LIN7A: variants seen among roughly 807,000 people sequenced by gnomAD.
LIN7A encodes lin-7 cell polarity scaffold A, also known as protein lin-7 homolog A.
A neutral mutation model predicts 29.8 loss-of-function variants in LIN7A; 25 were observed. The observed-to-expected ratio is 0.84, with a 90% CI of 0.61 to 1.17. The LOEUF is 1.17. Ranked by LOEUF, LIN7A falls within the 50% of genes most tolerant of loss-of-function variation. The pLI is 0.00. For synonymous variants in LIN7A, 118 were observed against 107.5 expected (o/e 1.10, Z -0.60); for missense variants, 239 against 287.0 (o/e 0.83, Z 1.21).
intron 2 of LIN7A, among the ~76,000 whole-genome samples, chr12:80,886,026 T>C (rs1246355167): frequency 6.6e-6 from 1 of 152,108 alleles, no homozygotes; most frequent in Non-Finnish European, 1.5e-5. Context: ...ATGTCTGTTT[T>C]TGTTCTGGTG....
intron 1 of LIN7A, among the ~76,000 whole-genome samples, chr12:80,895,440 A>G (rs188643397): frequency 5.7e-4 from 87 of 152,324 alleles, no homozygotes; most frequent in African/African-American, 2.1e-3. Context: ...ACGCATCCAA[A>G]GCTGGAACAT....
intron 1 of LIN7A, among the ~76,000 whole-genome samples, chr12:80,933,834 TA>T (rs1249151680): frequency 6.6e-6 from 1 of 152,104 alleles, no homozygotes; most frequent in Non-Finnish European, 1.5e-5. Flanking sequence ...AGCCCCCATT[TA>T]TAGCACTCTC....
At chr12:80,885,089 T>A (rs1395661820) in intron 2 of LIN7A, among the ~76,000 whole-genome samples, 2 of 152,170 alleles carry the variant, frequency 1.3e-5, no homozygotes, top group Non-Finnish European at 2.9e-5. Flanking sequence ...TAAAATATGA[T>A]CACTTATACA....
intron 5 of LIN7A, among the ~76,000 whole-genome samples, chr12:80,803,464 C>G (rs1444994922): frequency 1.3e-5 from 2 of 152,154 alleles, no homozygotes; most frequent in Non-Finnish European, 1.5e-5. Flanking sequence ...TCTGGGTTCT[C>G]TAGCTTGTTC....
intron 1 of LIN7A, among the ~76,000 whole-genome samples, chr12:80,909,665 A>G (rs898273735): frequency 1.3e-5 from 2 of 152,108 alleles, no homozygotes; most frequent in Non-Finnish European, 2.9e-5. Context: ...CCCCACCCTC[A>G]TAACTTAATC....
chr12:80,934,835 T>G (rs1464042983), intron 1 of LIN7A, among the ~76,000 whole-genome samples: 1 of 152,214 alleles, frequency 6.6e-6, no homozygotes, highest in African/African-American at 2.4e-5. Context: ...TGGGATGCCC[T>G]TGGGAGGCTT....
chr12:80,913,317 T>C (rs1377167519), intron 1 of LIN7A, among the ~76,000 whole-genome samples: 1 of 152,266 alleles, frequency 6.6e-6, no homozygotes, highest in South Asian at 2.1e-4. Flanking sequence ...GTTTTGTTTC[T>C]GGTGATGACG....
At chr12:80,917,082 G>A (rs1169559977) in intron 1 of LIN7A, among the ~76,000 whole-genome samples, 1 of 152,152 alleles carries the variant, frequency 6.6e-6, no homozygotes, top group Admixed American at 6.5e-5. Flanking sequence ...AGATATGGTG[G>A]ATAATACTTC....
chr12:80,871,136 T>C (rs1360277925), intron 2 of LIN7A, among the ~76,000 whole-genome samples: 1 of 152,176 alleles, frequency 6.6e-6, no homozygotes, highest in Non-Finnish European at 1.5e-5. Flanking sequence ...AATATACCCA[T>C]CAAATTCAGC....
At chr12:80,884,253 C>A (rs566758538) in intron 2 of LIN7A, among the ~76,000 whole-genome samples, 1 of 152,220 alleles carries the variant, frequency 6.6e-6, no homozygotes, top group African/African-American at 2.4e-5. Context: ...AGGATTGATA[C>A]TGCTTATAAC....
intron 2 of LIN7A, among the ~76,000 whole-genome samples, chr12:80,849,232 T>C (rs1168322270): frequency 6.6e-6 from 1 of 152,172 alleles, no homozygotes; most frequent in African/African-American, 2.4e-5. Flanking sequence ...CAGAAGATCA[T>C]TTATGGAATC....
At chr12:80,909,238 T>C (rs935137035) in intron 1 of LIN7A, among the ~76,000 whole-genome samples, 7 of 152,286 alleles carry the variant, frequency 4.6e-5, no homozygotes, top group Admixed American at 4.6e-4. Context: ...CCCCAGTGAG[T>C]TCCCCTGGTA....
At chr12:80,884,722 G>T (rs1047333706) in intron 2 of LIN7A, among the ~76,000 whole-genome samples, 2 of 151,948 alleles carry the variant, frequency 1.3e-5, no homozygotes, top group Non-Finnish European at 2.9e-5. Context: ...TTCCATATAG[G>T]GTTGATTTAT....
At position 80,937,925 on chromosome 12, in the gene LIN7A, G is replaced by C; in HGVS notation, c.-203C>G. The C allele has an allele frequency of 2.3e-6, 1 of 431,524 alleles. No homozygotes were observed. The highest frequency in any genetic ancestry group is 4.1e-6 in the Non-Finnish European group (1 of 243,034). The allele number at this position is 431,524 out of a possible 1,614,324, so 26.7% of individuals were successfully genotyped here. ...GCGGTGCGGAGCTGAGCAGGTATCC[G>C]AGAGCGACTGCATCGCCGGGCTCTG... On this transcript the variant is annotated 5_prime_UTR_variant, in exon 1 of 6. Coordinates refer to ENST00000552864, the MANE Select transcript of LIN7A (RefSeq NM_004664.4).
At chr12:80,925,167 AAC>A (rs1488310878) in intron 1 of LIN7A, among the ~76,000 whole-genome samples, 15 of 152,334 alleles carry the variant, frequency 9.8e-5, no homozygotes, top group African/African-American at 3.1e-4. Context: ...TATATATTAA[AAC>A]ACATATTTTT....
At chr12:80,885,741 G>C (rs571689057) in intron 2 of LIN7A, among the ~76,000 whole-genome samples, 2 of 151,902 alleles carry the variant, frequency 1.3e-5, no homozygotes. Context: ...AAATAGTTAA[G>C]GGAGCTTCAA....
chr12:80,861,433 G>T, intron 2 of LIN7A: 1 of 155,966 alleles, frequency 6.4e-6, no homozygotes, highest in South Asian at 1.9e-4. Flanking sequence ...ATGGTGACGG[G>T]GTCACTCATG....
chr12:80,890,855 C>T (rs1270187299), intron 1 of LIN7A, among the ~76,000 whole-genome samples: 1 of 152,144 alleles, frequency 6.6e-6, no homozygotes, highest in Non-Finnish European at 1.5e-5. Flanking sequence ...CATGATTGCA[C>T]TACTGGACTC....
chr12:80,912,098 A>G (rs1364006052), intron 1 of LIN7A, among the ~76,000 whole-genome samples: 1 of 152,224 alleles, frequency 6.6e-6, no homozygotes, highest in African/African-American at 2.4e-5. Context: ...ACTAATGCAT[A>G]TACACAATGC....
Sources: allele counts gnomAD v4.1 joint callset (sites outside exome capture counted in the v4.1 genomes callset), GRCh38; gene constraint gnomAD v4.1.1; transcripts MANE v1.5; gene names NCBI Gene and HGNC (gene_info 2026-07-23, HGNC 2026-07-21).